Variants in XKR3 observed in about 807,000 individuals in gnomAD.
XKR3 encodes XK related 3.
Under a neutral mutation model 40.3 loss-of-function variants are expected in XKR3, and 27 were observed. The observed-to-expected ratio is 0.67, with a 90% CI of 0.49 to 0.92. The LOEUF (loss-of-function observed/expected upper bound fraction) is 0.92, where lower values mean the gene tolerates loss of function less well. XKR3 is among the 40% of genes least tolerant of loss of function. XKR3 has a pLI of 0.00. For synonymous variants in XKR3, 193 were observed against 195.4 expected (o/e 0.99, Z 0.10); for missense variants, 472 against 537.6 (o/e 0.88, Z 1.21).
chr22:16,785,127 C>G (rs1453849388), intron 3 of XKR3, among the ~76,000 whole-genome samples: 3 of 152,070 alleles, frequency 2.0e-5, no homozygotes, highest in African/African-American at 7.2e-5. Context: ...ACCATCCTGG[C>G]TAACACGGTG....
chr22:16,798,330 G>A (rs2060151647), intron 3 of XKR3, among the ~76,000 whole-genome samples: 1 of 152,194 alleles, frequency 6.6e-6, no homozygotes, highest in Non-Finnish European at 1.5e-5. Flanking sequence ...CATGTTGGGT[G>A]AGGATGCTTT....
intron 1 of XKR3, among the ~76,000 whole-genome samples, chr22:16,821,362 A>G (rs1382885274): frequency 1.3e-5 from 2 of 152,150 alleles, no homozygotes; most frequent in East Asian, 1.9e-4. Context: ...TCTTAAGAGT[A>G]CTATAGAAGA....
chr22:16,818,814 GT>G (rs1226969213), intron 1 of XKR3, among the ~76,000 whole-genome samples: 1 of 152,070 alleles, frequency 6.6e-6, no homozygotes, highest in African/African-American at 2.4e-5. Flanking sequence ...AACAATAGTG[GT>G]TAAAGAGCCA....
At chr22:16,821,472 A>T (rs2060255410) in intron 1 of XKR3, 1 of 152,130 alleles carries the variant, frequency 6.6e-6, no homozygotes, top group Non-Finnish European at 1.5e-5. Flanking sequence ...TTTGTACACA[A>T]AGTGAATTTG....
Position 16,797,176 on chromosome 22 carries a change from G to T in XKR3, c.589+2595C>A, listed in dbSNP as rs200419582. On this transcript the variant is annotated intron_variant, in intron 3 of 3. Coordinates refer to ENST00000684488, the MANE Select transcript of XKR3 (RefSeq NM_001386955.1). ...CCATATACAAAAATTAACTCAAAAT[G>T]GATGAAATGTTTAAATGTAAGACCT... Among the ~76,000 whole-genome samples the T allele has an allele frequency of 3.9e-5, 6 of 152,258 alleles. No individual in the cohort carries two copies. In the East Asian group the frequency reaches 1.2e-3, roughly 29 times the overall value.
chr22:16,822,381 A>C (rs1379314044), intron 1 of XKR3, among the ~76,000 whole-genome samples: 1 of 94,696 alleles, frequency 1.1e-5, no homozygotes, highest in Non-Finnish European at 2.3e-5. Context: ...CCATAATAGG[A>C]AATTAAAAAA....
At chr22:16,822,688 C>CA (rs1039264265) in intron 1 of XKR3, among the ~76,000 whole-genome samples, 24 of 151,544 alleles carry the variant, frequency 1.6e-4, no homozygotes, top group Non-Finnish European at 2.9e-4. Flanking sequence ...CAAAGTAGAG[C>CA]AAAAAAAATG....
chr22:16,819,453 C>T (rs1283750817), intron 1 of XKR3, among the ~76,000 whole-genome samples: 2 of 152,058 alleles, frequency 1.3e-5, no homozygotes, highest in Non-Finnish European at 2.9e-5. Context: ...AATAGAGTCA[C>T]ACTGATTTGA....
intron 1 of XKR3, among the ~76,000 whole-genome samples, chr22:16,811,578 C>G (rs1255689138): frequency 6.6e-6 from 1 of 152,168 alleles, no homozygotes; most frequent in Non-Finnish European, 1.5e-5. Context: ...ATAGAAAACT[C>G]TGTTTGCTTA....
chr22:16,793,417 T>G (rs1332292566), intron 3 of XKR3, among the ~76,000 whole-genome samples: 51 of 152,250 alleles, frequency 3.3e-4, no homozygotes, highest in Non-Finnish European at 7.1e-4. Context: ...GGCTGCATTT[T>G]AAATAATTTT....
intron 1 of XKR3, among the ~76,000 whole-genome samples, chr22:16,819,699 C>A (rs1421052616): frequency 2.0e-5 from 3 of 151,960 alleles, no homozygotes; most frequent in Non-Finnish European, 4.4e-5. Flanking sequence ...CCCTCTTAGG[C>A]GTGGCAAAGA....
At position 16,783,840 on chromosome 22, in the gene XKR3, G is replaced by A; in HGVS notation, c.1159C>T (p.Leu387=). The A allele has an allele frequency of 6.2e-7, 1 of 1,614,154 alleles. No homozygotes were observed. Among genetic ancestry groups the A allele is most frequent in the Non-Finnish European group, 8.5e-7 (1 of 1,180,026 alleles). ...AGGAGCATAAAGCCAGTGGCCAATA[G>A]GTAGCTTATGATGAGCTGCACGGCA... The part of the protein sequence containing the change: ...LIAVQLIISY[L]LATGFMLLFY... Residue 387 remains leucine, a synonymous_variant, in exon 4 of 4, where the codon CTA becomes TTA. Transcript: ENST00000684488.
At chr22:16,793,724 A>G (rs2060129948) in intron 3 of XKR3, among the ~76,000 whole-genome samples, 2 of 152,224 alleles carry the variant, frequency 1.3e-5, no homozygotes, top group South Asian at 4.1e-4. Context: ...TAAAGTCAGC[A>G]TGTCGTTTTG....
At chr22:16,807,628 A>C in intron 2 of XKR3, 111 bp downstream of exon 2, 1 of 1,003,750 alleles carries the variant, frequency 1.0e-6, no homozygotes, top group Non-Finnish European at 1.5e-6. Flanking sequence ...AAAGAGGGAA[A>C]TATTTCAATT....
At chr22:16,816,792 G>T (rs559049834) in intron 1 of XKR3, among the ~76,000 whole-genome samples, 1 of 151,962 alleles carries the variant, frequency 6.6e-6, no homozygotes, top group African/African-American at 2.4e-5. Flanking sequence ...TATGAAAGTT[G>T]TCTACTCTGA....
At chr22:16,815,946 T>C (rs2041700) in intron 1 of XKR3, among the ~76,000 whole-genome samples, 66,844 of 151,582 alleles carry the variant, frequency 0.44, 15,063 homozygotes, top group Non-Finnish European at 0.46. Flanking sequence ...TATCTATTAT[T>C]GTCCCTCCTT....
At chr22:16,806,469 GT>G (rs35013347) in intron 2 of XKR3, among the ~76,000 whole-genome samples, 173 of 129,364 alleles carry the variant, frequency 1.3e-3, no homozygotes, top group South Asian at 9.7e-3. Flanking sequence ...TATAGTTAAG[GT>G]TTTTTTTTTT....
At chr22:16,816,659 GA>G (rs1266832839) in intron 1 of XKR3, among the ~76,000 whole-genome samples, 6 of 151,828 alleles carry the variant, frequency 4.0e-5, no homozygotes, top group African/African-American at 1.4e-4. Context: ...TTTGTGAGTT[GA>G]AAAATGTATT....
At chr22:16,799,106 G>A (rs1294986371) in intron 3 of XKR3, among the ~76,000 whole-genome samples, 3 of 151,908 alleles carry the variant, frequency 2.0e-5, no homozygotes, top group Non-Finnish European at 2.9e-5. Context: ...ATGCAGTTTC[G>A]ACTTCTATTA....
Sources: allele counts gnomAD v4.1 joint callset (sites outside exome capture counted in the v4.1 genomes callset), GRCh38; gene constraint gnomAD v4.1.1; transcripts MANE v1.5; gene names NCBI Gene and HGNC (gene_info 2026-07-23, HGNC 2026-07-21).